The following OR5V1 variants were observed in gnomAD, a reference collection of about 807,000 sequenced individuals.
OR5V1 encodes the protein olfactory receptor family 5 subfamily V member 1.
For missense variants in OR5V1, 365 were observed against 371.5 expected (o/e 0.98, Z 0.14); for synonymous variants, 134 against 143.2 (o/e 0.94, Z 0.46).
chr6:29,354,782 G>T lies in OR5V1; in HGVS notation c.*448C>A, dbSNP rs1465647010. 6.5e-6 allele frequency: 1 copy of T among 153,250 alleles called. No homozygotes were observed. Among genetic ancestry groups the T allele is most frequent in the Non-Finnish European group, 1.5e-5 (1 of 68,896 alleles). 9.5% of individuals were successfully genotyped at this position (153,250 alleles called of 1,614,324 possible). ...TGTGTTTACATTTCTTAATCTATTG[G>T]TGATGATGTTTTATTAAGAAGGGCC... is the stretch of plus-strand genomic sequence containing the variant. On this transcript the variant is annotated 3_prime_UTR_variant, in exon 2 of 2. Transcript: ENST00000641768.
chr6:29,361,830 C>T (rs1321742580), intron 1 of OR5V1, among the ~76,000 whole-genome samples: 1 of 152,072 alleles, frequency 6.6e-6, no homozygotes, highest in African/African-American at 2.4e-5. Flanking sequence ...TGCAAAAACA[C>T]ACCGTAATAT....
intron 1 of OR5V1, among the ~76,000 whole-genome samples, chr6:29,359,919 G>C (rs538894211): frequency 2.0e-5 from 3 of 152,270 alleles, no homozygotes; most frequent in African/African-American, 7.2e-5. Context: ...AACATCAACA[G>C]ACAGAACTGT....
chr6:29,354,209 T>C lies in OR5V1; in HGVS notation c.*1021A>G, dbSNP rs1778145870. Reference sequence around the variant, plus strand: ...CAATCTCTTAGGCTCTTACATTGTATGTTATTTATTTTCCCTTCTTGGTAT... The same window carrying C: ...CAATCTCTTAGGCTCTTACATTGTACGTTATTTATTTTCCCTTCTTGGTAT... On this transcript the variant is annotated 3_prime_UTR_variant, in exon 2 of 2. Coordinates refer to ENST00000641768, the MANE Select transcript of OR5V1 (RefSeq NM_030876.6). 6.6e-6 allele frequency: 1 copy of C among 152,048 alleles called. No homozygotes were observed. The highest frequency in any genetic ancestry group is 1.5e-5 in the Non-Finnish European group (1 of 67,952). 9.4% of individuals were successfully genotyped at this position (152,048 alleles called of 1,614,324 possible).
At position 29,355,376 on chromosome 6, in the gene OR5V1, C is replaced by T. The variant is rs1778212372; in HGVS notation, c.820G>A (p.Val274Ile). 1 of 1,613,832 alleles carries T rather than the reference C, an allele frequency of 6.2e-7. No homozygotes were observed. The highest frequency in any genetic ancestry group is 1.1e-5 in the South Asian group (1 of 91,068). ...GTAACAACACTGTACAACACTGAAACCAACCTATCTTTCTTTAATGAGTAA... is the reference window on the plus strand; with the variant it reads ...GTAACAACACTGTACAACACTGAAATCAACCTATCTTTCTTTAATGAGTAA... ...STYSLKKDRL[V>I]SVLYSVVTPM... is the part of the protein sequence containing the mutation. The change falls in exon 2 of 2, where the codon GTT (valine) becomes ATT (isoleucine). Residue 274 changes from valine (V) to isoleucine (I), a missense_variant. By Grantham distance (29) the Val-to-Ile change is conservative. Transcript: ENST00000641768.
intron 1 of OR5V1, among the ~76,000 whole-genome samples, chr6:29,358,171 A>G (rs1401340578): frequency 2.0e-5 from 3 of 152,200 alleles, no homozygotes; most frequent in South Asian, 2.1e-4. Context: ...TTTTCATTCC[A>G]TCTACAGAAG....
intron 1 of OR5V1, among the ~76,000 whole-genome samples, chr6:29,367,042 A>C (rs1778888924): frequency 1.3e-5 from 2 of 152,196 alleles, no homozygotes; most frequent in South Asian, 4.1e-4. Flanking sequence ...TAAAACGACT[A>C]AATGAAATAA....
chr6:29,366,105 G>A (rs1778842206), intron 1 of OR5V1, among the ~76,000 whole-genome samples: 1 of 152,140 alleles, frequency 6.6e-6, no homozygotes, highest in Non-Finnish European at 1.5e-5. Context: ...GTTGAACAAT[G>A]AGAACACATG....
chr6:29,359,962 G>A (rs1778490558), intron 1 of OR5V1, among the ~76,000 whole-genome samples: 1 of 152,164 alleles, frequency 6.6e-6, no homozygotes, highest in African/African-American at 2.4e-5. Context: ...GAAGCCAAGT[G>A]CTCTCACTCA....
chr6:29,366,177 G>T (rs1778845290), intron 1 of OR5V1, among the ~76,000 whole-genome samples: 1 of 152,030 alleles, frequency 6.6e-6, no homozygotes, highest in African/African-American at 2.4e-5. Flanking sequence ...AGGGGAGGGA[G>T]AGCATTAGGA....
chr6:29,359,521 A>G (rs1207410834), intron 1 of OR5V1, among the ~76,000 whole-genome samples: 1 of 152,200 alleles, frequency 6.6e-6, no homozygotes, highest in Non-Finnish European at 1.5e-5. Flanking sequence ...CAAATCTGGC[A>G]AGATGGCTGA....
At chr6:29,368,592 G>A (rs1778974403) in intron 1 of OR5V1, 40 bp downstream of exon 1, 1 of 152,182 alleles carries the variant, frequency 6.6e-6, no homozygotes, top group Admixed American at 6.5e-5. Context: ...TAAGAGCAAT[G>A]AAGCTATAGT....
In OR5V1 at chr6:29,355,907, A is replaced by AC; in HGVS notation, c.288dup (p.Cys97ValfsTer25). 6.2e-7 allele frequency: 1 copy of AC among 1,613,990 alleles called. No individual in the cohort carries two copies. The highest frequency in any genetic ancestry group is 8.5e-7 in the Non-Finnish European group (1 of 1,179,950). ...ACAAATGCAAAAAGTTGAACCACAC[A>AC]CCCCACATAAGAAATGCTTTTTTTC... On this transcript the variant is annotated frameshift_variant, in exon 2 of 2. Coordinates refer to ENST00000641768, the MANE Select transcript of OR5V1 (RefSeq NM_030876.6). LOFTEE classifies it low-confidence loss of function (END_TRUNC).
At chr6:29,361,042 A>G (rs955716958) in intron 1 of OR5V1, among the ~76,000 whole-genome samples, 1 of 152,136 alleles carries the variant, frequency 6.6e-6, no homozygotes, top group African/African-American at 2.4e-5. Context: ...AAATTTGACA[A>G]AAGATTACAG....
chr6:29,365,909 G>A (rs901903403), intron 1 of OR5V1, among the ~76,000 whole-genome samples: 2 of 152,108 alleles, frequency 1.3e-5, no homozygotes, highest in African/African-American at 4.8e-5. Flanking sequence ...CAACACAAAT[G>A]CCCATCAATG....
intron 1 of OR5V1, among the ~76,000 whole-genome samples, chr6:29,358,649 G>A (rs1358261991): frequency 6.6e-6 from 1 of 152,176 alleles, no homozygotes; most frequent in African/African-American, 2.4e-5. Context: ...TGTCATTTCT[G>A]ACATGGGTTA....
chr6:29,356,520 C>T (rs1471112619), intron 1 of OR5V1, among the ~76,000 whole-genome samples: 3 of 152,138 alleles, frequency 2.0e-5, no homozygotes, highest in East Asian at 1.9e-4. Context: ...GGGTCATGCT[C>T]ACCGGCATTT....
In OR5V1 at chr6:29,354,448, T is replaced by C; in HGVS notation, c.*782A>G. 1 of 152,144 alleles carries C rather than the reference T, an allele frequency of 6.6e-6. No homozygotes were observed. Among genetic ancestry groups the C allele is most frequent in the East Asian group, 1.9e-4 (1 of 5,206 alleles). 9.4% of individuals were successfully genotyped at this position (152,144 alleles called of 1,614,324 possible). On this transcript the variant is annotated 3_prime_UTR_variant, in exon 2 of 2. Coordinates refer to ENST00000641768, the MANE Select transcript of OR5V1 (RefSeq NM_030876.6). ...TAGTCATTATATAACTAAGACTTTT[T>C]ATTCCCCATCAAAAAACCCTTGTTT... is the stretch of plus-strand genomic sequence containing the variant.
Position 29,355,385 on chromosome 6 carries a change from C to G in OR5V1, c.811G>C (p.Asp271His). The change falls in exon 2 of 2, where the codon GAT becomes CAT. Residue 271 changes from aspartate (D) to histidine (H), a missense_variant. Physicochemically the swap from Asp to His is moderately conservative, Grantham distance 81. Coordinates refer to ENST00000641768, the MANE Select transcript of OR5V1 (RefSeq NM_030876.6). Reference protein sequence around the residue: ...RPISTYSLKKDRLVSVLYSVV... With the variant: ...RPISTYSLKKHRLVSVLYSVV... ...CTGTACAACACTGAAACCAACCTAT[C>G]TTTCTTTAATGAGTAAGTTGAGATG... 2 of 1,613,990 alleles carry G rather than the reference C, an allele frequency of 1.2e-6. No homozygotes were observed. The highest frequency in any genetic ancestry group is 1.1e-5 in the South Asian group (1 of 91,070).
intron 1 of OR5V1, among the ~76,000 whole-genome samples, chr6:29,361,275 G>A (rs1778552451): frequency 6.6e-6 from 1 of 152,118 alleles, no homozygotes; most frequent in African/African-American, 2.4e-5. Flanking sequence ...AGAAATATGG[G>A]ACTATGTGAA....
Sources: gnomAD v4.1 joint callset for allele counts (sites outside exome capture counted in the v4.1 genomes callset) on GRCh38, gnomAD v4.1.1 for gene constraint, MANE v1.5 for transcripts, NCBI Gene and HGNC (gene_info 2026-07-23, HGNC 2026-07-21) for gene names.